Variants in SNRPN observed in about 807,000 individuals in gnomAD.
SNRPN encodes small nuclear ribonucleoprotein polypeptide N, also known as small nuclear ribonucleoprotein-associated protein N.
SNRPN carries 7 observed loss-of-function variants against 25.2 expected under a neutral mutation model. The ratio of observed to expected loss-of-function variants is 0.28; its 90% confidence interval spans 0.16 to 0.52. The LOEUF (loss-of-function observed/expected upper bound fraction) is 0.52. SNRPN is among the 20% of genes least tolerant of loss of function. SNRPN has a pLI of 0.96. For synonymous variants in SNRPN, 124 were observed against 110.6 expected (o/e 1.12, Z -0.76); for missense variants, 196 against 322.5 (o/e 0.61, Z 3.00).
intron 1 of SNRPN, among the ~76,000 whole-genome samples, chr15:24,872,614 A>C (rs113893510): frequency 0.43 from 48,052 of 112,014 alleles, 18,442 homozygotes; most frequent in East Asian, 0.79. Flanking sequence ...AGTGTGATGA[A>C]ACATGCCTGT....
chr15:24,975,826 C>T (rs1045863168), intron 5 of SNRPN, among the ~76,000 whole-genome samples: 1 of 152,248 alleles, frequency 6.6e-6, no homozygotes, highest in African/African-American at 2.4e-5. Flanking sequence ...CAGTCTTAGA[C>T]CAAATCTTGG....
chr15:24,940,850 A>G (rs1293709836), intron 3 of SNRPN, among the ~76,000 whole-genome samples: 1 of 152,202 alleles, frequency 6.6e-6, no homozygotes, highest in African/African-American at 2.4e-5. Context: ...CAGTCTTGCA[A>G]GTCAAAAATC....
chr15:24,922,076 C>T (rs184926037), intron 3 of SNRPN, among the ~76,000 whole-genome samples: 13 of 150,808 alleles, frequency 8.6e-5, no homozygotes, highest in East Asian at 2.0e-4. Flanking sequence ...AGCCGGGCAC[C>T]GTGGCGGGCT....
upstream of SNRPN, among the ~76,000 whole-genome samples, chr15:24,951,049 A>G (rs779565342): frequency 2.0e-5 from 3 of 151,940 alleles, no homozygotes; most frequent in Non-Finnish European, 4.4e-5. Context: ...TAGTAGAGAC[A>G]GAGTTTTACC....
intron 1 of SNRPN, among the ~76,000 whole-genome samples, chr15:24,869,376 T>G (rs2054875030): frequency 6.6e-6 from 1 of 152,164 alleles, no homozygotes; most frequent in South Asian, 2.1e-4. Context: ...CATAATTCAG[T>G]AGTATACATT....
intron 2 of SNRPN, among the ~76,000 whole-genome samples, chr15:24,834,601 G>A (rs2050849084): frequency 6.6e-6 from 1 of 151,460 alleles, no homozygotes; most frequent in Admixed American, 6.6e-5. Flanking sequence ...GCATGGTAGT[G>A]ACCGTCTGTT....
At position 24,845,003 on chromosome 15, in the gene SNRPN, AGTTTT is replaced by A. The variant is rs1271716608; in HGVS notation, c.-579+15106_-579+15110del. On this transcript the variant is annotated intron_variant, in intron 2 of 12. Coordinates refer to the SNRPN transcript ENST00000400100. Reference sequence around the variant, plus strand: ...ATATCTAGTGCAAAAAAGGGTGAAGAGTTTTGTTTTGTATTTTGGCATATGAATGC... The same window carrying A: ...ATATCTAGTGCAAAAAAGGGTGAAGAGTTTTGTATTTTGGCATATGAATGC... Among the ~76,000 whole-genome samples, 3 of 152,126 alleles carry A rather than the reference AGTTTT, an allele frequency of 2.0e-5. No homozygotes were observed. The East Asian group carries it at 5.8e-4, about 29-fold the overall frequency.
intron 3 of SNRPN, among the ~76,000 whole-genome samples, chr15:24,973,501 G>A (rs1355608587): frequency 1.3e-5 from 2 of 152,066 alleles, no homozygotes; most frequent in Non-Finnish European, 2.9e-5. Context: ...AGGTTCAAGC[G>A]ATTCTCCTAC....
intron 1 of SNRPN, among the ~76,000 whole-genome samples, chr15:24,857,737 G>T (rs1019311513): frequency 6.6e-6 from 1 of 152,144 alleles, no homozygotes; most frequent in Admixed American, 6.6e-5. Context: ...CAGCTGTCTA[G>T]ACAGAGCCGA....
upstream of SNRPN, chr15:24,954,833 T>C (rs993396135): frequency 3.1e-6 from 2 of 642,158 alleles, no homozygotes; most frequent in Non-Finnish European, 5.4e-6. Context: ...AGGGGTCCAG[T>C]AGCCCCCTCC....
chr15:24,976,092 C>G (rs776379346), intron 5 of SNRPN, among the ~76,000 whole-genome samples: 5 of 152,154 alleles, frequency 3.3e-5, no homozygotes, highest in Non-Finnish European at 7.4e-5. Flanking sequence ...AAGGAACATT[C>G]TGTAAAAGAC....
intron 2 of SNRPN, among the ~76,000 whole-genome samples, chr15:24,839,612 G>A (rs571210843): frequency 2.0e-5 from 3 of 152,206 alleles, no homozygotes; most frequent in South Asian, 2.1e-4. Context: ...TCACAAATGC[G>A]TGTTGTTTGG....
In SNRPN at chr15:24,962,140, C is replaced by CA; in HGVS notation, c.-363dup. On this transcript the variant is annotated 5_prime_UTR_variant, in exon 2 of 10. The change creates a premature stop within an existing upstream ORF in the 5' untranslated region. Coordinates refer to ENST00000390687, the MANE Select transcript of SNRPN (RefSeq NM_003097.6). ...GATCGCTTACACCTGAGACGAACTA[C>CA]AGAACAGCACGTACCAGAGGTGGAA... is the stretch of plus-strand genomic sequence containing the variant. 6.2e-7 allele frequency: 1 copy of CA among 1,614,156 alleles called. No individual in the cohort carries two copies. Among genetic ancestry groups the CA allele is most frequent in the Admixed American group, 1.7e-5 (1 of 60,016 alleles).
intron 2 of SNRPN, among the ~76,000 whole-genome samples, chr15:24,965,872 T>TA (rs1039565214): frequency 4.3e-4 from 50 of 115,198 alleles, no homozygotes; most frequent in African/African-American, 2.0e-3. Flanking sequence ...ATTATATATA[T>TA]TTTTTTTTAC....
At chr15:24,868,889 C>T (rs879927416) in intron 1 of SNRPN, among the ~76,000 whole-genome samples, 3 of 152,142 alleles carry the variant, frequency 2.0e-5, no homozygotes, top group African/African-American at 4.8e-5. Flanking sequence ...GTAATCCCAG[C>T]ACTTTGGGAG....
At position 24,959,596 on chromosome 15, in the gene SNRPN, T is replaced by C. The variant is rs183302885; in HGVS notation, c.-390-2518T>C. ...TTTTTTGGTAAGACAGTGTTTGCAG[T>C]TGTACACTATTAGATTAATCATGGT... is the stretch of plus-strand genomic sequence containing the variant. On this transcript the variant is annotated intron_variant, in intron 1 of 9. Transcript: ENST00000390687. Among the ~76,000 whole-genome samples the C allele has an allele frequency of 4.6e-5, 7 of 152,332 alleles. No homozygotes were observed. In the East Asian group the frequency reaches 1.4e-3, roughly 29 times the overall value.
intron 2 of SNRPN, among the ~76,000 whole-genome samples, chr15:24,919,239 C>G (rs551612033): frequency 6.6e-6 from 1 of 151,684 alleles, no homozygotes. Context: ...ACCATCCTGG[C>G]TAACACGGTG....
intron 2 of SNRPN, among the ~76,000 whole-genome samples, chr15:24,847,534 G>C (rs2052315560): frequency 1.3e-5 from 2 of 152,150 alleles, no homozygotes; most frequent in African/African-American, 2.4e-5. Context: ...CAACTACTGG[G>C]AGGCTGAGGC....
intron 1 of SNRPN, among the ~76,000 whole-genome samples, chr15:24,883,833 G>A (rs2056952193): frequency 6.6e-6 from 1 of 150,574 alleles, no homozygotes; most frequent in Non-Finnish European, 1.5e-5. Flanking sequence ...CCAACATGGT[G>A]AAACCTGATC....
Sources: allele counts gnomAD v4.1 joint callset (sites outside exome capture counted in the v4.1 genomes callset), GRCh38; gene constraint gnomAD v4.1.1; transcripts MANE v1.5; gene names NCBI Gene and HGNC (gene_info 2026-07-23, HGNC 2026-07-21).